TENM3: variants seen among roughly 807,000 people sequenced by gnomAD.
The protein encoded by TENM3 is teneurin-3.
TENM3 carries 63 observed loss-of-function variants against 255.1 expected under a neutral mutation model. That is an observed-to-expected ratio of 0.25 (90% confidence interval 0.20 to 0.30). The LOEUF is 0.30. Ranked by LOEUF, TENM3 falls within the 10% of genes least tolerant of loss-of-function variation. TENM3 has a pLI of 1.00. For synonymous variants in TENM3, 1,306 were observed against 1,322.3 expected, an observed-to-expected ratio of 0.99 and a Z score of 0.27; for missense variants, 2,929 against 3,461.1, an observed-to-expected ratio of 0.85 and a Z score of 3.86.
chr4:182,597,626 T>C (rs1747393340), intron 3 of TENM3, among the ~76,000 whole-genome samples: 1 of 152,224 alleles, frequency 6.6e-6, no homozygotes, highest in African/African-American at 2.4e-5. Flanking sequence ...ATACAGTAGG[T>C]ATTTTGTCCA....
At chr4:181,904,391 C>T in the TENM3 span, among the ~76,000 whole-genome samples, 5 of 152,222 alleles carry the variant, frequency 3.3e-5, no homozygotes, top group Admixed American at 2.6e-4. Flanking sequence ...GTGGTAGATG[C>T]CCCAATCACT....
the TENM3 span, chr4:182,084,837 A>C: frequency 6.6e-6 from 1 of 152,182 alleles, no homozygotes; most frequent in Non-Finnish European, 1.5e-5. Flanking sequence ...ATCACAAGGC[A>C]TTTATATCTA....
intron 3 of TENM3, among the ~76,000 whole-genome samples, chr4:182,503,182 T>C (rs1037912208): frequency 2.0e-5 from 3 of 152,106 alleles, no homozygotes; most frequent in African/African-American, 7.2e-5. Context: ...GTTTCTTGCT[T>C]TGGGTGAGGA....
intron 1 of TENM3, among the ~76,000 whole-genome samples, chr4:182,286,382 T>G (rs902563412): frequency 2.0e-5 from 3 of 152,232 alleles, no homozygotes; most frequent in Admixed American, 6.5e-5. Context: ...AACCAGAGAT[T>G]GGAATGCCGT....
chr4:182,267,322 A>C (rs1262999416), intron 1 of TENM3, among the ~76,000 whole-genome samples: 3 of 152,208 alleles, frequency 2.0e-5, no homozygotes, highest in African/African-American at 7.2e-5. Context: ...ACTTATGGCA[A>C]TATAATTATT....
chr4:182,647,322 A>G (rs1019294925), intron 5 of TENM3, among the ~76,000 whole-genome samples: 1 of 152,204 alleles, frequency 6.6e-6, no homozygotes, highest in South Asian at 2.1e-4. Flanking sequence ...AGATTTACAA[A>G]ATGTTTTTAT....
At chr4:181,490,325 G>T in the TENM3 span, among the ~76,000 whole-genome samples, 1 of 152,152 alleles carries the variant, frequency 6.6e-6, no homozygotes, top group Non-Finnish European at 1.5e-5. Context: ...TCACCAGATG[G>T]TATCTTGCCA....
At chr4:181,459,914 A>G in the TENM3 span, among the ~76,000 whole-genome samples, 2 of 152,078 alleles carry the variant, frequency 1.3e-5, no homozygotes, top group South Asian at 2.1e-4. Flanking sequence ...TTGACACATC[A>G]ACGATATTGA....
intron 12 of TENM3, among the ~76,000 whole-genome samples, chr4:182,689,502 C>T (rs947849194): frequency 6.6e-6 from 1 of 152,164 alleles, no homozygotes; most frequent in African/African-American, 2.4e-5. Context: ...CCACCACGCC[C>T]CCACGCTGGT....
At chr4:182,060,866 CATATGTTCTCTAGGCAGGT>C in the TENM3 span, among the ~76,000 whole-genome samples, 1 of 152,122 alleles carries the variant, frequency 6.6e-6, no homozygotes, top group South Asian at 2.1e-4. Flanking sequence ...AACTAGGAAG[CATATGTTCTCTAGGCAGGT>C]ATATGCATTC....
At chr4:181,884,228 G>A in the TENM3 span, among the ~76,000 whole-genome samples, 9 of 152,124 alleles carry the variant, frequency 5.9e-5, no homozygotes, top group East Asian at 1.5e-3. Flanking sequence ...TAGGAATAAT[G>A]CATGCTAAAC....
intron 22 of TENM3, among the ~76,000 whole-genome samples, chr4:182,763,220 T>TGTAA (rs1341403466): frequency 1.3e-5 from 2 of 152,166 alleles, no homozygotes; most frequent in East Asian, 3.9e-4. Context: ...ATTTAAAGAA[T>TGTAA]GTAAGTCAAG....
At position 182,613,287 on chromosome 4, in the gene TENM3, A is replaced by G. The variant is rs574499051; in HGVS notation, c.749+12126A>G. 6.6e-5 allele frequency among the ~76,000 whole-genome samples: 10 copies of G among 152,294 alleles called. No individual in the cohort carries two copies. In the South Asian group the frequency reaches 1.7e-3, roughly 25 times the overall value. On this transcript the variant is annotated intron_variant, in intron 4 of 27. Transcript: ENST00000511685. Reference sequence around the variant, plus strand: ...GTAAGAATATAATACAAGTTTGTACACTTGATGACATGGATTCTTCATTAA... The same window carrying G: ...GTAAGAATATAATACAAGTTTGTACGCTTGATGACATGGATTCTTCATTAA...
At chr4:181,785,647 A>G in the TENM3 span, among the ~76,000 whole-genome samples, 3 of 152,152 alleles carry the variant, frequency 2.0e-5, no homozygotes, top group Non-Finnish European at 4.4e-5. Context: ...CCTAATTTTC[A>G]GATTTGAGAT....
chr4:181,512,020 G>A, the TENM3 span, among the ~76,000 whole-genome samples: 8 of 152,012 alleles, frequency 5.3e-5, no homozygotes, highest in South Asian at 2.1e-4. Flanking sequence ...GATGAAGTTC[G>A]GAGTCCTCAG....
At chr4:181,867,585 C>T in the TENM3 span, among the ~76,000 whole-genome samples, 1 of 152,146 alleles carries the variant, frequency 6.6e-6, no homozygotes, top group South Asian at 2.1e-4. Flanking sequence ...TCTCCTGTAC[C>T]ACCTGGTACA....
chr4:182,305,212 T>TA (rs143543000), intron 1 of TENM3, among the ~76,000 whole-genome samples: 4,732 of 148,824 alleles, frequency 0.032, 259 homozygotes, highest in African/African-American at 0.11. Context: ...TAAACAGATC[T>TA]AAAAAAAAAA....
intron 12 of TENM3, among the ~76,000 whole-genome samples, 179 bp downstream of exon 12, chr4:182,688,530 G>A (rs1486289007): frequency 2.6e-5 from 4 of 152,100 alleles, no homozygotes; most frequent in African/African-American, 7.2e-5. Flanking sequence ...GTTCTTTTTA[G>A]AACAGCTGTC....
At chr4:182,447,117 C>T (rs1772984687) in intron 3 of TENM3, among the ~76,000 whole-genome samples, 2 of 151,900 alleles carry the variant, frequency 1.3e-5, no homozygotes, top group South Asian at 4.2e-4. Context: ...TTTAAATAAC[C>T]GCCTTGTGTT....
Sources: gnomAD v4.1 joint callset for allele counts (sites outside exome capture counted in the v4.1 genomes callset) on GRCh38, gnomAD v4.1.1 for gene constraint, MANE v1.5 for transcripts, NCBI Gene and HGNC (gene_info 2026-07-23, HGNC 2026-07-21) for gene names.